The following RAD51B variants were observed in gnomAD, a reference collection of about 807,000 sequenced individuals.
The protein encoded by RAD51B is DNA repair protein RAD51 homolog 2.
A neutral mutation model predicts 42.2 loss-of-function variants in RAD51B; 38 were observed. The ratio of observed to expected loss-of-function variants is 0.90; its 90% CI spans 0.70 to 1.18. The LOEUF is 1.18. Ranked by LOEUF, RAD51B falls within the 50% of genes most tolerant of loss-of-function variation. The pLI is 0.00. For missense variants in RAD51B, 373 were observed against 400.7 expected (o/e 0.93, Z 0.59); for synonymous variants, 154 against 145.2 (o/e 1.06, Z -0.43).
chr14:67,835,320 C>T (rs1362704916), intron 4 of RAD51B, 124 bp downstream of exon 4: 10 of 742,476 alleles, frequency 1.3e-5, no homozygotes, highest in Middle Eastern at 2.5e-4. Context: ...ATAAGTACTT[C>T]AAGGATATGG....
intron 10 of RAD51B, among the ~76,000 whole-genome samples, chr14:68,619,779 T>C (rs1400683784): frequency 6.6e-6 from 1 of 152,238 alleles, no homozygotes; most frequent in African/African-American, 2.4e-5. Context: ...CTCCCACCTT[T>C]CTGTGAAAAC....
At chr14:68,353,582 G>T (rs2082834004) in intron 8 of RAD51B, among the ~76,000 whole-genome samples, 1 of 152,206 alleles carries the variant, frequency 6.6e-6, no homozygotes, top group Admixed American at 6.5e-5. Flanking sequence ...GGCAAGGTGA[G>T]ATGAAAAATC....
At chr14:68,482,166 A>G (rs1159601165), downstream of RAD51B, among the ~76,000 whole-genome samples, 1 of 113,602 alleles carries the variant, frequency 8.8e-6, no homozygotes, top group Non-Finnish European at 1.8e-5. Flanking sequence ...CAATTCAGAG[A>G]TATTTTAGGG....
chr14:68,375,554 C>T (rs2083350880), intron 8 of RAD51B, among the ~76,000 whole-genome samples: 2 of 152,080 alleles, frequency 1.3e-5, no homozygotes, highest in East Asian at 1.9e-4. Context: ...AGTATGCCGT[C>T]CCTCACCCAC....
intron 7 of RAD51B, among the ~76,000 whole-genome samples, chr14:67,962,775 T>C (rs1380640145): frequency 1.3e-5 from 2 of 152,176 alleles, no homozygotes; most frequent in Admixed American, 1.3e-4. Context: ...CATATATATA[T>C]GTAAGATTTA....
chr14:68,212,954 G>C (rs188975486), intron 7 of RAD51B, among the ~76,000 whole-genome samples: 33 of 152,292 alleles, frequency 2.2e-4, no homozygotes, highest in African/African-American at 5.1e-4. Flanking sequence ...TTGAGGTTAA[G>C]TAGATTCATA....
At chr14:68,465,951 A>AATAAAAT (rs10691924) in intron 9 of RAD51B, among the ~76,000 whole-genome samples, 1 of 90,458 alleles carries the variant, frequency 1.1e-5, no homozygotes, top group African/African-American at 3.3e-5. Context: ...AAAAAAAAAA[A>AATAAAAT]AAATAAATAA....
intron 7 of RAD51B, among the ~76,000 whole-genome samples, chr14:68,205,774 A>AT: frequency 6.6e-6 from 1 of 152,056 alleles, no homozygotes; most frequent in East Asian, 1.9e-4. Context: ...TATGTATAAT[A>AT]TTTTTCTGAG....
chr14:68,546,778 A>G (rs1227550243), intron 10 of RAD51B, among the ~76,000 whole-genome samples: 1 of 152,106 alleles, frequency 6.6e-6, no homozygotes, highest in African/African-American at 2.4e-5. Flanking sequence ...CTACTATGGG[A>G]TAGCATGGGC....
At chr14:68,067,766 C>CA (rs535541711) in intron 7 of RAD51B, among the ~76,000 whole-genome samples, 65 of 150,806 alleles carry the variant, frequency 4.3e-4, no homozygotes, top group Non-Finnish European at 7.8e-4. Flanking sequence ...CCCATCTTTA[C>CA]AAAAAATACA....
At chr14:68,393,052 T>G (rs4902575) in intron 8 of RAD51B, among the ~76,000 whole-genome samples, 152,324 of 152,324 alleles carry the variant, frequency 1, 76,162 homozygotes, top group Non-Finnish European at 1. Flanking sequence ...AGAAGATAAT[T>G]AACCTTTCCA....
At chr14:68,059,346 T>C (rs2076532263) in intron 7 of RAD51B, among the ~76,000 whole-genome samples, 1 of 152,214 alleles carries the variant, frequency 6.6e-6, no homozygotes, top group African/African-American at 2.4e-5. Flanking sequence ...TTTTTAACTA[T>C]TTCTTACCCA....
chr14:68,453,197 G>A (rs2085601519), intron 9 of RAD51B, among the ~76,000 whole-genome samples: 1 of 152,190 alleles, frequency 6.6e-6, no homozygotes, highest in African/African-American at 2.4e-5. Context: ...GACCACATAT[G>A]TATATTCTTT....
chr14:68,278,390 T>TAA (rs758539649), intron 7 of RAD51B, among the ~76,000 whole-genome samples: 6 of 152,272 alleles, frequency 3.9e-5, no homozygotes, highest in Middle Eastern at 3.4e-3. Flanking sequence ...TCTTTATCCT[T>TAA]AAAAGAGGAA....
intron 7 of RAD51B, among the ~76,000 whole-genome samples, chr14:67,956,341 G>A (rs73282457): frequency 0.01 from 1,562 of 152,158 alleles, 28 homozygotes; most frequent in African/African-American, 0.036. Flanking sequence ...ACAAAAATTA[G>A]CCAAGTATGG....
At chr14:68,498,101 T>C (rs889587286) in intron 10 of RAD51B, among the ~76,000 whole-genome samples, 1 of 152,262 alleles carries the variant, frequency 6.6e-6, no homozygotes, top group Non-Finnish European at 1.5e-5. Flanking sequence ...ATTCTCCACA[T>C]GGCTGAATCA....
At chr14:68,015,244 A>G (rs1056974285) in intron 7 of RAD51B, among the ~76,000 whole-genome samples, 1 of 152,226 alleles carries the variant, frequency 6.6e-6, no homozygotes, top group Non-Finnish European at 1.5e-5. Flanking sequence ...TATTCATTAA[A>G]TCATTCTTTC....
rs532223299 is a variant in RAD51B at position 67,939,122 on chromosome 14, T to G, written c.756+51918T>G. On this transcript the variant is annotated intron_variant, in intron 7 of 10. Transcript: ENST00000471583. ...AGCAAGTAAGAAATAATTTCATATCTTGAGGTACTTATATTAGGGGGAAGA... is the reference window on the plus strand; with the variant it reads ...AGCAAGTAAGAAATAATTTCATATCGTGAGGTACTTATATTAGGGGGAAGA... Among the ~76,000 whole-genome samples the G allele has an allele frequency of 3.4e-3, 512 of 152,278 alleles. 6 individuals carry two copies. The highest frequency in any genetic ancestry group is 0.012 in the African/African-American group (481 of 41,554).
intron 10 of RAD51B, among the ~76,000 whole-genome samples, chr14:68,536,481 T>C (rs1887626693): frequency 6.6e-6 from 1 of 152,232 alleles, no homozygotes; most frequent in Admixed American, 6.5e-5. Flanking sequence ...TTGGTCTAAA[T>C]GGAAGGATAC....
Sources: allele counts gnomAD v4.1 joint callset (sites outside exome capture counted in the v4.1 genomes callset), GRCh38; gene constraint gnomAD v4.1.1; transcripts MANE v1.5; gene names NCBI Gene and HGNC (gene_info 2026-07-23, HGNC 2026-07-21).